Variants in PYGB observed in about 807,000 individuals in gnomAD.
PYGB encodes the protein glycogen phosphorylase B.
Under a neutral mutation model 94.3 loss-of-function variants are expected in PYGB, and 82 were observed. The observed-to-expected ratio is 0.87, with a 90% CI of 0.73 to 1.04. PYGB has a LOEUF of 1.04. PYGB is among the 50% of genes least tolerant of loss of function. PYGB has a pLI of 0.00. For missense variants in PYGB, 1,132 were observed against 1,158.2 expected, an observed-to-expected ratio of 0.98 and a Z score of 0.33; for synonymous variants, 488 against 479.1, an observed-to-expected ratio of 1.02 and a Z score of -0.24.
chr20:25,292,927 A>G (rs2088483548), intron 17 of PYGB, among the ~76,000 whole-genome samples: 1 of 151,714 alleles, frequency 6.6e-6, no homozygotes, highest in African/African-American at 2.4e-5. Flanking sequence ...AGGGTCTCCT[A>G]GAGGGACACC....
Position 25,259,145 on chromosome 20 carries a change from G to C in PYGB, c.244-92G>C, listed in dbSNP as rs8118763. On this transcript the variant is annotated intron_variant, in intron 1 of 19. Transcript: ENST00000216962. Reference sequence around the variant, plus strand: ...GGTTGACATAAATGAAATCCCGAGTGGGGGCTTGGCTTCATGGGTCGTGTC... The same window carrying C: ...GGTTGACATAAATGAAATCCCGAGTCGGGGCTTGGCTTCATGGGTCGTGTC... The C allele has an allele frequency of 1.9e-5, 21 of 1,134,154 alleles. No homozygotes were observed. In the East Asian group the frequency reaches 4.6e-4, roughly 25 times the overall value. 70.3% of individuals were successfully genotyped at this position (1,134,154 alleles called of 1,614,324 possible). A position where few individuals can be genotyped will look rare whatever the true frequency, so the allele number is the denominator to read the frequency against.
chr20:25,278,570 C>A (rs1187893419), intron 8 of PYGB, 108 bp downstream of exon 8: 2 of 1,419,554 alleles, frequency 1.4e-6, no homozygotes, highest in African/African-American at 1.4e-5. Flanking sequence ...ATGGTACATG[C>A]CCCTTGTCTT....
At chr20:25,274,424 C>T (rs2088292337) in intron 4 of PYGB, among the ~76,000 whole-genome samples, 168 bp from the exon 5 acceptor site, 1 of 152,158 alleles carries the variant, frequency 6.6e-6, no homozygotes, top group South Asian at 2.1e-4. Flanking sequence ...TTCATTTTAC[C>T]CACGTGGGCT....
At position 25,276,726 on chromosome 20, in the gene PYGB, C is replaced by G; in HGVS notation, c.741C>G (p.Ala247=). The part of the protein sequence containing the change: ...NTVNTMRLWS[A]KAPNDFKLQD... Reference sequence around the variant, plus strand: ...TCAACACCATGCGGCTGTGGTCCGCCAAGGCTCCCAACGACTTCAAGCTGC... The same window carrying G: ...TCAACACCATGCGGCTGTGGTCCGCGAAGGCTCCCAACGACTTCAAGCTGC... The change falls in exon 6 of 20, where the codon GCC becomes GCG. Residue 247 remains alanine, a synonymous_variant. Coordinates refer to ENST00000216962, the MANE Select transcript of PYGB (RefSeq NM_002862.4). 6.2e-7 allele frequency: 1 copy of G among 1,614,010 alleles called. No homozygotes were observed. Among genetic ancestry groups the G allele is most frequent in the Non-Finnish European group, 8.5e-7 (1 of 1,179,918 alleles).
intron 15 of PYGB, among the ~76,000 whole-genome samples, chr20:25,290,266 C>T (rs1163466505): frequency 1.3e-5 from 2 of 152,202 alleles, no homozygotes; most frequent in South Asian, 4.1e-4. Context: ...GAGGCGGACA[C>T]GTTTCTGGAT....
In PYGB at chr20:25,269,147, G is replaced by C; in HGVS notation, c.364G>C (p.Glu122Gln). 6.3e-7 allele frequency: 1 copy of C among 1,593,832 alleles called. No individual in the cohort carries two copies. Among genetic ancestry groups the C allele is most frequent in the Admixed American group, 1.7e-5 (1 of 59,990 alleles). The part of the protein sequence containing the change: ...AIYQLGLDLE[E>Q]LEEIEEDAGL... ...TTTGCAGTTGGGGTTAGACTTGGAG[G>C]AACTCGAGGAGATAGAAGAAGATGC... The change falls in exon 3 of 20, where the codon GAA (glutamate) becomes CAA (glutamine). Residue 122 changes from glutamate (E) to glutamine (Q), a missense_variant. By Grantham distance (29) the Glu-to-Gln change is conservative (BLOSUM62 2). Coordinates refer to ENST00000216962, the MANE Select transcript of PYGB (RefSeq NM_002862.4).
At position 25,248,378 on chromosome 20, in the gene PYGB, G is replaced by C; in HGVS notation, c.200G>C (p.Arg67Pro). 5.0e-6 allele frequency: 8 copies of C among 1,590,950 alleles called. No homozygotes were observed. The highest frequency in any genetic ancestry group is 6.8e-6 in the Non-Finnish European group (8 of 1,170,168). The part of the protein sequence containing the change: ...AHTVRDHLVG[R>P]WIRTQQHYYE... ...ACGGTGCGCGACCACCTCGTGGGCC[G>C]CTGGATCCGCACGCAGCAGCACTAC... The change falls in exon 1 of 20, where the codon CGC becomes CCC. Residue 67 changes from arginine (R) to proline (P), a missense_variant. Arg to Pro is a moderately radical substitution (Grantham distance 103). Transcript: ENST00000216962.
At chr20:25,293,234 C>A (rs376818486) in intron 17 of PYGB, among the ~76,000 whole-genome samples, 1 of 152,018 alleles carries the variant, frequency 6.6e-6, no homozygotes, top group Admixed American at 6.5e-5. Context: ...TCCCCGCGCC[C>A]CTCCGTTGGC....
intron 2 of PYGB, among the ~76,000 whole-genome samples, chr20:25,266,461 GGATCAA>G (rs1202090967): frequency 6.6e-6 from 1 of 151,730 alleles, no homozygotes; most frequent in Non-Finnish European, 1.5e-5. Flanking sequence ...AAATATATAG[GGATCAA>G]TCTTCATGAC....
intron 2 of PYGB, among the ~76,000 whole-genome samples, chr20:25,260,801 G>A (rs1475337966): frequency 2.6e-5 from 4 of 152,202 alleles, no homozygotes; most frequent in Non-Finnish European, 2.9e-5. Flanking sequence ...TTTTCCAACG[G>A]TCTTAGCAAA....
intron 4 of PYGB, among the ~76,000 whole-genome samples, chr20:25,274,224 G>A (rs111486710): frequency 6.6e-6 from 1 of 152,214 alleles, no homozygotes; most frequent in African/African-American, 2.4e-5. Flanking sequence ...CTGTGCAGGT[G>A]CTTGTTCTGA....
Position 25,292,632 on chromosome 20 carries a change from G to T in PYGB, c.2177+19G>T. ...GGAAAGGGTGCGAGCCTGTGCCCCT[G>T]GGCACCTGGCACCGTGAGGATGGAG... On this transcript the variant is annotated intron_variant, in intron 17 of 19. Transcript: ENST00000216962. 6.2e-7 allele frequency: 1 copy of T among 1,606,448 alleles called. No individual in the cohort carries two copies. Among genetic ancestry groups the T allele is most frequent in the Non-Finnish European group, 8.5e-7 (1 of 1,177,792 alleles).
At chr20:25,258,642 G>A (rs1181966207) in intron 1 of PYGB, among the ~76,000 whole-genome samples, 1 of 152,212 alleles carries the variant, frequency 6.6e-6, no homozygotes, top group Non-Finnish European at 1.5e-5. Flanking sequence ...CCTTGATACA[G>A]CACCTCACTG....
intron 4 of PYGB, among the ~76,000 whole-genome samples, chr20:25,271,960 A>G (rs2088272055): frequency 2.0e-5 from 3 of 152,310 alleles, no homozygotes; most frequent in East Asian, 3.9e-4. Context: ...GTGAGGGGAC[A>G]GTGTCCTTGG....
intron 1 of PYGB, among the ~76,000 whole-genome samples, chr20:25,258,395 G>A (rs1021992414): frequency 6.6e-6 from 1 of 152,214 alleles, no homozygotes; most frequent in Non-Finnish European, 1.5e-5. Context: ...CTCCTGGAGT[G>A]AAGAATATCA....
chr20:25,291,392 C>T (rs1454335832), intron 16 of PYGB, among the ~76,000 whole-genome samples: 2 of 152,132 alleles, frequency 1.3e-5, no homozygotes, highest in Non-Finnish European at 2.9e-5. Context: ...CAAGGGCCCC[C>T]CCTAGTTCAG....
At chr20:25,261,778 T>A (rs2092914219) in intron 2 of PYGB, among the ~76,000 whole-genome samples, 2 of 152,002 alleles carry the variant, frequency 1.3e-5, no homozygotes, top group South Asian at 2.1e-4. Flanking sequence ...TGCAGAGAAG[T>A]CCTTAAATGA....
chr20:25,279,432 C>T (rs1425581383), intron 9 of PYGB, among the ~76,000 whole-genome samples: 1 of 152,150 alleles, frequency 6.6e-6, no homozygotes, highest in African/African-American at 2.4e-5. Context: ...TTGGTGACAG[C>T]TCCCCAAAGC....
At position 25,282,187 on chromosome 20, in the gene PYGB, G is replaced by A. The variant is rs766873408; in HGVS notation, c.1518+40G>A. On this transcript the variant is annotated intron_variant, in intron 12 of 19. Transcript: ENST00000216962. Reference sequence around the variant, plus strand: ...CCACCCGTGCCTGTGGAGATGCCTGGGCTGAGAACCGCGGGCCATGTCATC... The same window carrying A: ...CCACCCGTGCCTGTGGAGATGCCTGAGCTGAGAACCGCGGGCCATGTCATC... The A allele has an allele frequency of 1.1e-5, 17 of 1,513,942 alleles. No individual in the cohort carries two copies. The Admixed American group carries it at 3.0e-4, about 26-fold the overall frequency. The allele number at this position is 1,513,942 out of a possible 1,614,324, so 93.8% of individuals were successfully genotyped here. A position where few individuals can be genotyped will look rare whatever the true frequency, so the allele number is the denominator to read the frequency against.
Sources: allele counts gnomAD v4.1 joint callset (sites outside exome capture counted in the v4.1 genomes callset), GRCh38; gene constraint gnomAD v4.1.1; transcripts MANE v1.5; gene names NCBI Gene and HGNC (gene_info 2026-07-23, HGNC 2026-07-21).